CPLANE1: variants seen among roughly 807,000 people sequenced by gnomAD.
The protein encoded by CPLANE1 is ciliogenesis and planar polarity effector 1.
In CPLANE1, 263 loss-of-function variants were observed where a neutral mutation model predicts 362.5. The ratio of observed to expected loss-of-function variants is 0.73; its 90% CI spans 0.66 to 0.80. CPLANE1 has a LOEUF of 0.80. Among genes scored for constraint, CPLANE1 ranks in the 30% least tolerant of loss-of-function variants. The pLI is 0.00. For synonymous variants in CPLANE1, 1,212 were observed against 1,302.6 expected, an observed-to-expected ratio of 0.93 and a Z score of 1.50; for missense variants, 3,461 against 3,793.4, an observed-to-expected ratio of 0.91 and a Z score of 2.30.
At chr5:37,098,437 C>T in the CPLANE1 span, among the ~76,000 whole-genome samples, 2 of 146,706 alleles carry the variant, frequency 1.4e-5, no homozygotes, top group South Asian at 4.4e-4. Context: ...CACCTACTCA[C>T]AGCATTAGAT....
Position 37,107,175 on chromosome 5 carries a change from C to A in CPLANE1, c.*427G>T. 1 of 985,722 alleles carries A rather than the reference C, an allele frequency of 1.0e-6. No homozygotes were observed. The highest frequency in any genetic ancestry group is 4.7e-5 in the South Asian group (1 of 21,278). 61.1% of individuals were successfully genotyped at this position (985,722 alleles called of 1,614,324 possible). On this transcript the variant is annotated 3_prime_UTR_variant, in exon 53 of 53. Coordinates refer to ENST00000651892, the MANE Select transcript of CPLANE1 (RefSeq NM_001384732.1). ...TTAAAATAGGGTTCATAATTGAGTTCTCAGGTGAGACTGATTTTCTTCTCA... is the reference window on the plus strand; with the variant it reads ...TTAAAATAGGGTTCATAATTGAGTTATCAGGTGAGACTGATTTTCTTCTCA...
downstream of CPLANE1, among the ~76,000 whole-genome samples, chr5:37,104,034 C>T (rs117081887): frequency 1.8e-4 from 28 of 152,162 alleles, no homozygotes; most frequent in East Asian, 5.0e-3. Flanking sequence ...TACATAATCC[C>T]GTATTTCTTG....
intron 6 of CPLANE1, among the ~76,000 whole-genome samples, chr5:37,241,324 G>A (rs956950229): frequency 3.3e-5 from 5 of 151,892 alleles, no homozygotes; most frequent in East Asian, 3.9e-4. Flanking sequence ...GTTTGTTGGC[G>A]CATGCCCATA....
Position 37,121,742 on chromosome 5 carries a change from C to A in CPLANE1, c.9060G>T (p.Ala3020=). The change falls in exon 49 of 53, where the codon GCG becomes GCT. Residue 3020 remains alanine, a synonymous_variant. Transcript: ENST00000651892. ...SEHYSRRISQ[A]YGLMNELLSE... ...ATAACAGTTCATTCATCAGACCGTA[C>A]GCTTGTGAGATTCGACGACTATAGT... 1 of 1,613,916 alleles carries A rather than the reference C, an allele frequency of 6.2e-7. No homozygotes were observed. Among genetic ancestry groups the A allele is most frequent in the Non-Finnish European group, 8.5e-7 (1 of 1,179,794 alleles).
intron 51 of CPLANE1, among the ~76,000 whole-genome samples, chr5:37,114,269 A>G (rs1760238730): frequency 6.6e-6 from 1 of 152,206 alleles, no homozygotes; most frequent in African/African-American, 2.4e-5. Flanking sequence ...TAAGTGCTCT[A>G]TACCTGTTAG....
At chr5:37,233,101 C>T (rs1175182423) in intron 8 of CPLANE1, among the ~76,000 whole-genome samples, 1 of 152,208 alleles carries the variant, frequency 6.6e-6, no homozygotes, top group African/African-American at 2.4e-5. Context: ...GGGCCTGACA[C>T]ATGGAGCTGC....
chr5:37,183,690 T>A lies in CPLANE1; in HGVS notation c.4491A>T (p.Pro1497=). 1 of 1,572,252 alleles carries A rather than the reference T, an allele frequency of 6.4e-7. No individual in the cohort carries two copies. Among genetic ancestry groups the A allele is most frequent in the Non-Finnish European group, 8.6e-7 (1 of 1,164,186 alleles). ...SRINIYQRNA[P]NHMELTSIHK... Reference sequence around the variant, plus strand: ...GAATTGATGTTAATTCCATGTGATTTGGGGCATTTCTATAGCAAAAAAATA... The same window carrying A: ...GAATTGATGTTAATTCCATGTGATTAGGGGCATTTCTATAGCAAAAAAATA... The change falls in exon 26 of 53, where the codon CCA becomes CCT. Residue 1497 remains proline (P), a synonymous_variant. Coordinates refer to ENST00000651892, the MANE Select transcript of CPLANE1 (RefSeq NM_001384732.1).
At chr5:37,141,779 G>A (rs1350637947) in intron 44 of CPLANE1, 2 of 980,730 alleles carry the variant, frequency 2.0e-6, no homozygotes, top group African/African-American at 1.8e-5. Context: ...AAGAATAACA[G>A]TTTTAATTGC....
intron 9 of CPLANE1, among the ~76,000 whole-genome samples, chr5:37,229,179 T>A (rs1797128165): frequency 2.8e-5 from 4 of 141,504 alleles, no homozygotes; most frequent in Non-Finnish European, 3.0e-5. Context: ...ATCACACCAC[T>A]ACACTCCAGC....
At chr5:37,117,536 A>G (rs373887427) in intron 50 of CPLANE1, among the ~76,000 whole-genome samples, 1 of 152,176 alleles carries the variant, frequency 6.6e-6, no homozygotes, top group Non-Finnish European at 1.5e-5. Context: ...AAAGAATTAC[A>G]ATTAGGAATG....
At chr5:37,172,820 T>C (rs77587969) in intron 32 of CPLANE1, among the ~76,000 whole-genome samples, 4,330 of 152,136 alleles carry the variant, frequency 0.028, 223 homozygotes, top group African/African-American at 0.098. Flanking sequence ...ACTCCATCTT[T>C]ACTAAAAATA....
At chr5:37,183,899 CA>C (rs965643207) in intron 25 of CPLANE1, among the ~76,000 whole-genome samples, 200 bp from the exon 26 acceptor site, 28 of 149,690 alleles carry the variant, frequency 1.9e-4, no homozygotes, top group Non-Finnish European at 2.8e-4. Flanking sequence ...ACTATGAGAT[CA>C]AAAAAAAATT....
At position 37,158,316 on chromosome 5, in the gene CPLANE1, A is replaced by T. The variant is rs1298611902; in HGVS notation, c.7720T>A (p.Leu2574Met). Reference sequence around the variant, plus strand: ...AGATTTAGATAGACATCTGGGACCAAGAGCTGAGGAGCAGTCAAAGGCTCA... The same window carrying T: ...AGATTTAGATAGACATCTGGGACCATGAGCTGAGGAGCAGTCAAAGGCTCA... ...EHEPLTAPQLLVPDVYLNLKL... is the reference protein window; with the variant it reads ...EHEPLTAPQLMVPDVYLNLKL... Residue 2574 changes from leucine to methionine, a missense_variant, in exon 39 of 53, where the codon TTG becomes ATG. This residue lies in a region of CPLANE1 where 3,380 missense variants were observed against 3,666.1 expected (regional missense o/e 0.92). Coordinates refer to ENST00000651892, the MANE Select transcript of CPLANE1 (RefSeq NM_001384732.1). The T allele has an allele frequency of 1.2e-6, 2 of 1,613,818 alleles. No individual in the cohort carries two copies. Among genetic ancestry groups the T allele is most frequent in the South Asian group, 2.2e-5 (2 of 91,044 alleles).
rs4509051 is a variant in CPLANE1 at position 37,197,327 on chromosome 5, G to A, written c.3673-1331C>T. ...GACACAATCTAATCAAATCTCCTGG[G>A]AAGCATGCTAATGACAGACTTCTTG... is the stretch of plus-strand genomic sequence containing the variant. On this transcript the variant is annotated intron_variant, in intron 20 of 52. Coordinates refer to ENST00000651892, the MANE Select transcript of CPLANE1 (RefSeq NM_001384732.1). Among the ~76,000 whole-genome samples the A allele has an allele frequency of 5.6e-3, 854 of 152,254 alleles. 11 individuals carry two copies. The highest frequency in any genetic ancestry group is 0.02 in the African/African-American group (813 of 41,536).
intron 9 of CPLANE1, among the ~76,000 whole-genome samples, chr5:37,229,216 C>CAAA (rs35861833): frequency 1.1e-5 from 1 of 90,826 alleles, no homozygotes; most frequent in Non-Finnish European, 2.3e-5. Context: ...GACTCGGTCT[C>CAAA]AAAAAAAAAA....
intron 19 of CPLANE1, among the ~76,000 whole-genome samples, chr5:37,201,036 C>G (rs1029221116): frequency 9.9e-5 from 15 of 152,162 alleles, no homozygotes; most frequent in African/African-American, 3.6e-4. Context: ...GTTGCCCAGG[C>G]TGGTCTCAAA....
At chr5:37,170,651 G>C (rs956170518) in intron 32 of CPLANE1, among the ~76,000 whole-genome samples, 1 of 152,094 alleles carries the variant, frequency 6.6e-6, no homozygotes, top group African/African-American at 2.4e-5. Context: ...CAGATTCTCA[G>C]AATAGGCCGG....
rs1778436316 is a variant in CPLANE1, at chr5:37,167,027, A to C, written c.7400+20T>G. 2.5e-6 allele frequency: 4 copies of C among 1,580,308 alleles called. No individual in the cohort carries two copies. Among genetic ancestry groups the C allele is most frequent in the Non-Finnish European group, 3.5e-6 (4 of 1,157,424 alleles). Reference sequence around the variant, plus strand: ...TGCTGATATATGATATTATCAAATAAAATTTCACTTAAGCCTTGCCTTTTT... The same window carrying C: ...TGCTGATATATGATATTATCAAATACAATTTCACTTAAGCCTTGCCTTTTT... On this transcript the variant is annotated intron_variant, in intron 35 of 52. Transcript: ENST00000651892.
intron 15 of CPLANE1, 78 bp from the exon 16 acceptor site, chr5:37,213,810 C>A: frequency 8.3e-7 from 1 of 1,198,260 alleles, no homozygotes; most frequent in South Asian, 2.6e-5. Flanking sequence ...CAACATTATA[C>A]AAAAAGAAAA....
Sources: allele counts gnomAD v4.1 joint callset (sites outside exome capture counted in the v4.1 genomes callset), GRCh38; gene constraint gnomAD v4.1.1; regional missense constraint gnomAD v4.1.1; transcripts MANE v1.5; gene names NCBI Gene and HGNC (gene_info 2026-07-23, HGNC 2026-07-21).